SORCS3: variants seen among roughly 807,000 people sequenced by gnomAD.
The protein encoded by SORCS3 is VPS10 domain-containing receptor SorCS3.
SORCS3 carries 57 observed loss-of-function variants against 146.3 expected under a neutral mutation model. That is an observed-to-expected ratio of 0.39 (90% CI 0.31 to 0.49). SORCS3 has a LOEUF of 0.49. Among genes scored for constraint, SORCS3 ranks in the 20% least tolerant of loss-of-function variants. The pLI is 0.92. For synonymous variants in SORCS3, 653 were observed against 618.5 expected, an observed-to-expected ratio of 1.06 and a Z score of -0.83; for missense variants, 1,341 against 1,575.5, an observed-to-expected ratio of 0.85 and a Z score of 2.52.
intron 4 of SORCS3, among the ~76,000 whole-genome samples, chr10:105,016,134 A>ATATATATAT (rs2055164499): frequency 1.8e-5 from 2 of 113,694 alleles, no homozygotes; most frequent in African/African-American, 3.9e-5. Context: ...ATATTATATA[A>ATATATATAT]ATATATATAT....
intron 5 of SORCS3, among the ~76,000 whole-genome samples, chr10:105,053,572 C>A (rs963401115): frequency 6.6e-6 from 1 of 151,740 alleles, no homozygotes; most frequent in African/African-American, 2.4e-5. Flanking sequence ...GTCTTCATAG[C>A]CTTTTTTCCC....
In SORCS3 at chr10:104,772,215, T is replaced by C. The variant is rs561159234; in HGVS notation, c.628-70577T>C. On this transcript the variant is annotated intron_variant, in intron 1 of 26. Transcript: ENST00000369701. Reference sequence around the variant, plus strand: ...AGAAACTCTGCTTCTAGGGGACTGGTGGGGTGGTGGCAGGGGATTGTGCAG... The same window carrying C: ...AGAAACTCTGCTTCTAGGGGACTGGCGGGGTGGTGGCAGGGGATTGTGCAG... Among the ~76,000 whole-genome samples, 278 of 115,618 alleles carry C rather than the reference T, an allele frequency of 2.4e-3. 2 individuals carry two copies. The highest frequency in any genetic ancestry group is 8.9e-3 in the African/African-American group (265 of 29,884). The allele number at this position is 115,618 out of a possible 152,430, so 75.8% of individuals were successfully genotyped here. A position where few individuals can be genotyped will look rare whatever the true frequency, so the allele number is the denominator to read the frequency against.
At chr10:104,653,200 G>T (rs536306875) in intron 1 of SORCS3, among the ~76,000 whole-genome samples, 1 of 152,322 alleles carries the variant, frequency 6.6e-6, no homozygotes, top group African/African-American at 2.4e-5. Context: ...TGCCATGTCA[G>T]TGTGGTGTAT....
Position 104,924,181 on chromosome 10 carries a change from G to A in SORCS3, c.795+8249G>A, listed in dbSNP as rs145433359. Among the ~76,000 whole-genome samples the A allele has an allele frequency of 1.3e-4, 20 of 152,232 alleles. No homozygotes were observed. The East Asian group carries it at 2.7e-3, about 21-fold the overall frequency. ...GCATATTGGAGCTTAAAGGGCTCTC[G>A]GAGACTGTGCAGACCCTCATTGAAC... On this transcript the variant is annotated intron_variant, in intron 3 of 26. Transcript: ENST00000369701.
intron 2 of SORCS3, among the ~76,000 whole-genome samples, chr10:104,895,040 T>G (rs1311323412): frequency 2.0e-5 from 3 of 152,118 alleles, no homozygotes; most frequent in African/African-American, 7.2e-5. Flanking sequence ...GCAGCAGGTG[T>G]GGGGCTCCAG....
At chr10:104,778,199 A>G (rs909624653) in intron 1 of SORCS3, among the ~76,000 whole-genome samples, 1 of 152,204 alleles carries the variant, frequency 6.6e-6, no homozygotes, top group South Asian at 2.1e-4. Flanking sequence ...GTATACATGT[A>G]TCAAGATGTC....
chr10:104,773,310 C>G (rs1386464071), intron 1 of SORCS3, among the ~76,000 whole-genome samples: 1 of 152,168 alleles, frequency 6.6e-6, no homozygotes, highest in Non-Finnish European at 1.5e-5. Context: ...TAGGCAAGGG[C>G]TGCACCAAGA....
chr10:105,118,609 A>G (rs1000298762), intron 7 of SORCS3, among the ~76,000 whole-genome samples: 1 of 152,130 alleles, frequency 6.6e-6, no homozygotes, highest in Non-Finnish European at 1.5e-5. Flanking sequence ...AGCTTCCTAG[A>G]GACTTGTGGA....
intron 5 of SORCS3, among the ~76,000 whole-genome samples, chr10:105,073,310 G>A (rs1426537596): frequency 6.6e-6 from 1 of 152,066 alleles, no homozygotes; most frequent in African/African-American, 2.4e-5. Context: ...GGATACCTAT[G>A]TTCACTTAGA....
intron 3 of SORCS3, among the ~76,000 whole-genome samples, chr10:104,944,996 A>G (rs538624468): frequency 1.3e-5 from 2 of 152,328 alleles, no homozygotes; most frequent in African/African-American, 4.8e-5. Flanking sequence ...CCAATGTAAT[A>G]CCATACAGTA....
At chr10:105,198,063 C>A (rs189982159) in intron 14 of SORCS3, among the ~76,000 whole-genome samples, 1 of 152,286 alleles carries the variant, frequency 6.6e-6, no homozygotes, top group Admixed American at 6.5e-5. Context: ...TTTTCTCAAT[C>A]TTTTTGTCAA....
chr10:105,100,190 A>C (rs1483608273), intron 6 of SORCS3, among the ~76,000 whole-genome samples: 1 of 152,224 alleles, frequency 6.6e-6, no homozygotes, highest in Non-Finnish European at 1.5e-5. Flanking sequence ...GGTGCAGGGA[A>C]CAAAGCCTTT....
chr10:105,188,401 T>G (rs967962895), intron 14 of SORCS3, among the ~76,000 whole-genome samples: 3 of 152,172 alleles, frequency 2.0e-5, no homozygotes, highest in African/African-American at 7.2e-5. Context: ...ATCCTGATGA[T>G]GATGTGGGTC....
rs1260672340 is a variant in SORCS3 at position 105,091,423 on chromosome 10, C to CTT, written c.1093+1584_1093+1585insTT. The stretch of plus-strand genomic sequence containing the variant: ...CCTTCCTTCCTTCCTTCCTTCCTTC[C>CTT]CTCCTTCCTTCCTTCCTTCGTTCCT... On this transcript the variant is annotated intron_variant, in intron 6 of 26. Transcript: ENST00000369701. 1.1e-3 allele frequency among the ~76,000 whole-genome samples: 89 copies of CTT among 77,618 alleles called. 9 individuals carry two copies. The highest frequency in any genetic ancestry group is 4.5e-3 in the African/African-American group (86 of 18,918). 50.9% of individuals were successfully genotyped at this position (77,618 alleles called of 152,430 possible).
At chr10:105,041,409 A>C (rs557653067) in intron 4 of SORCS3, among the ~76,000 whole-genome samples, 12 of 146,266 alleles carry the variant, frequency 8.2e-5, no homozygotes, top group African/African-American at 3.0e-4. Flanking sequence ...GGATTAAAAA[A>C]AATATATATA....
chr10:105,146,482 T>C (rs2056132125), intron 8 of SORCS3, among the ~76,000 whole-genome samples: 2 of 152,022 alleles, frequency 1.3e-5, no homozygotes, highest in Admixed American at 6.6e-5. Context: ...CATATGGATA[T>C]AGAGGGCTGA....
chr10:104,915,600 G>A (rs1258016388), intron 2 of SORCS3, among the ~76,000 whole-genome samples: 3 of 152,154 alleles, frequency 2.0e-5, no homozygotes, highest in East Asian at 1.9e-4. Flanking sequence ...CACAAAGGGC[G>A]AAAAAGTAGG....
intron 14 of SORCS3, among the ~76,000 whole-genome samples, chr10:105,180,485 G>C (rs184761224): frequency 3.3e-5 from 5 of 152,344 alleles, no homozygotes; most frequent in Admixed American, 6.5e-5. Context: ...AACCATGAAA[G>C]AGGGTGGCTG....
intron 1 of SORCS3, among the ~76,000 whole-genome samples, chr10:104,795,283 G>T (rs991697843): frequency 5.9e-5 from 9 of 152,138 alleles, no homozygotes; most frequent in Admixed American, 1.3e-4. Flanking sequence ...CAGACTGATC[G>T]ATCAGATGTG....
Sources: gnomAD v4.1 joint callset for allele counts (sites outside exome capture counted in the v4.1 genomes callset) on GRCh38, gnomAD v4.1.1 for gene constraint, MANE v1.5 for transcripts, NCBI Gene and HGNC (gene_info 2026-07-23, HGNC 2026-07-21) for gene names.